NOX5: variants seen among roughly 807,000 people sequenced by gnomAD.
NOX5 encodes NADPH oxidase, EF-hand calcium binding domain 5.
NOX5 carries 76 observed loss-of-function variants against 85.7 expected under a neutral mutation model. The observed-to-expected ratio is 0.89, with a 90% CI of 0.74 to 1.07. The LOEUF (loss-of-function observed/expected upper bound fraction) is 1.07. Among genes scored for constraint, NOX5 ranks in the 50% least tolerant of loss-of-function variants. The probability of loss-of-function intolerance (pLI) is 0.00; values close to 1 mark genes in which losing one functional copy is unlikely to be tolerated. For synonymous variants in NOX5, 405 were observed against 401.4 expected (o/e 1.01, Z -0.11); for missense variants, 973 against 999.5 (o/e 0.97, Z 0.36).
intron 15 of NOX5, among the ~76,000 whole-genome samples, chr15:69,055,937 A>G (rs1288296282): frequency 6.6e-6 from 1 of 152,092 alleles, no homozygotes; most frequent in South Asian, 2.1e-4. Flanking sequence ...CTGAACACTT[A>G]CTTGTCAGGG....
Position 69,048,998 on chromosome 15 carries a change from G to A in NOX5, c.1939G>A (p.Glu647Lys), listed in dbSNP as rs758389674. 4.3e-6 allele frequency: 7 copies of A among 1,612,832 alleles called. No homozygotes were observed. Among genetic ancestry groups the A allele is most frequent in the Non-Finnish European group, 5.9e-6 (7 of 1,179,640 alleles). The change falls in exon 14 of 16, where the codon GAG becomes AAG. Residue 647 changes from glutamate (E) to lysine (K), a missense_variant. Physicochemically the swap from Glu to Lys is moderately conservative, Grantham distance 56. Coordinates refer to ENST00000388866, the MANE Select transcript of NOX5 (RefSeq NM_024505.4). Reference sequence around the variant, plus strand: ...GATCAACAGAGACCAGCGGTCTTTCGAGTGGTTTGTGAGCCTGCTGACTAA... The same window carrying A: ...GATCAACAGAGACCAGCGGTCTTTCAAGTGGTTTGTGAGCCTGCTGACTAA... Reference protein sequence around the residue: ...IWINRDQRSFEWFVSLLTKLE... With the variant: ...IWINRDQRSFKWFVSLLTKLE...
chr15:69,016,797 C>CAT (rs3084776), intron 1 of NOX5, among the ~76,000 whole-genome samples: 43 of 151,350 alleles, frequency 2.8e-4, no homozygotes, highest in Non-Finnish European at 4.3e-4. Context: ...ATGACATATG[C>CAT]ATATATATAT....
In NOX5 at chr15:69,014,698, A is replaced by G; in HGVS notation, c.-38A>G. 1 of 1,550,056 alleles carries G rather than the reference A, an allele frequency of 6.5e-7. No individual in the cohort carries two copies. The highest frequency in any genetic ancestry group is 1.2e-5 in the South Asian group (1 of 83,982). On this transcript the variant is annotated 5_prime_UTR_variant, in exon 1 of 16. Coordinates refer to ENST00000388866, the MANE Select transcript of NOX5 (RefSeq NM_024505.4). ...CAGTGCAGGCAGCTCAATGGACAGCAGTCTTTCTGGGACCTGTGATCTAGA... is the reference window on the plus strand; with the variant it reads ...CAGTGCAGGCAGCTCAATGGACAGCGGTCTTTCTGGGACCTGTGATCTAGA...
At chr15:69,030,362 G>A (rs1462734876) in intron 3 of NOX5, 1 of 152,222 alleles carries the variant, frequency 6.6e-6, no homozygotes. Context: ...CTTCAGCAAT[G>A]TTCATTTTGC....
chr15:69,015,058 T>G (rs944475101), intron 1 of NOX5, among the ~76,000 whole-genome samples: 4 of 152,198 alleles, frequency 2.6e-5, no homozygotes, highest in Admixed American at 6.5e-5. Flanking sequence ...CAGTTGTACT[T>G]TTCCAAACAG....
At position 69,047,845 on chromosome 15, in the gene NOX5, GCATACTTGCCC is replaced by G; in HGVS notation, c.1836_1846del (p.His612GlnfsTer18). 1 of 1,614,044 alleles carries G rather than the reference GCATACTTGCCC, an allele frequency of 6.2e-7. No individual in the cohort carries two copies. The highest frequency in any genetic ancestry group is 1.1e-5 in the South Asian group (1 of 91,070). ...CTCCCCTCAGGCACCAGAAAAGAAA[GCATACTTGCCC>G]CAGCTGCCAGCACTCCTGGATCGAA... On this transcript the variant is annotated frameshift_variant, in exon 13 of 16. Coordinates refer to ENST00000388866, the MANE Select transcript of NOX5 (RefSeq NM_024505.4). LOFTEE classifies it high-confidence loss of function.
Position 69,052,032 on chromosome 15 carries a change from G to A in NOX5, c.1999+2974G>A, listed in dbSNP as rs183433203. Among the ~76,000 whole-genome samples, 3 of 152,088 alleles carry A rather than the reference G, an allele frequency of 2.0e-5. No homozygotes were observed. The East Asian group carries it at 5.8e-4, about 29-fold the overall frequency. ...TTTGAGACCAGCCTGGGCAACACAG[G>A]CACATGCTGTCTCTACAAAAAATGT... On this transcript the variant is annotated intron_variant, in intron 14 of 15. Transcript: ENST00000388866.
chr15:69,053,578 C>T (rs973021101), intron 14 of NOX5, among the ~76,000 whole-genome samples: 4 of 152,166 alleles, frequency 2.6e-5, no homozygotes, highest in African/African-American at 9.7e-5. Context: ...ATTCCTCATT[C>T]TCCATAATCA....
At chr15:69,020,329 T>A (rs2140245748) in intron 1 of NOX5, among the ~76,000 whole-genome samples, 1 of 152,322 alleles carries the variant, frequency 6.6e-6, no homozygotes, top group South Asian at 2.1e-4. Context: ...TTTTCCTTAA[T>A]GTTTTTGGGA....
At position 69,055,465 on chromosome 15, in the gene NOX5, A is replaced by G. The variant is rs771147582; in HGVS notation, c.2131A>G (p.Thr711Ala). 6.2e-7 allele frequency: 1 copy of G among 1,614,134 alleles called. No homozygotes were observed. The highest frequency in any genetic ancestry group is 1.1e-5 in the South Asian group (1 of 91,086). Residue 711 changes from threonine to alanine, a missense_variant, in exon 15 of 16, where the codon ACG becomes GCG. Coordinates refer to ENST00000388866, the MANE Select transcript of NOX5 (RefSeq NM_024505.4). ...GAAAGACTCCATCACGGGGCTGCAG[A>G]CGCGCACCCAGCCTGGGCGGCCTGA... The part of the protein sequence containing the change: ...EKKDSITGLQ[T>A]RTQPGRPDWS...
rs1233379758 is a variant in NOX5, at chr15:69,062,648, CT to C, written c.*5953del. 1.3e-5 allele frequency: 2 copies of C among 152,246 alleles called. No homozygotes were observed. Among genetic ancestry groups the C allele is most frequent in the Non-Finnish European group, 2.9e-5 (2 of 68,078 alleles). The allele number at this position is 152,246 out of a possible 1,614,324, so 9.4% of individuals were successfully genotyped here. ...ATCGCCTGACACTTGGAGCACCCTT[CT>C]CCACTTTCAGATTGAGACTTCGGAA... On this transcript the variant is annotated 3_prime_UTR_variant, in exon 16 of 16. Transcript: ENST00000388866.
chr15:69,044,525 A>G (rs1220917105), intron 10 of NOX5, among the ~76,000 whole-genome samples: 1 of 152,238 alleles, frequency 6.6e-6, no homozygotes, highest in Non-Finnish European at 1.5e-5. Context: ...GAACAATAGG[A>G]AAATACCTAA....
In NOX5 at chr15:69,035,773, C is replaced by A; in HGVS notation, c.1025C>A (p.Ala342Glu). ...TTGTTTCCAGTACTCCAGGCTCAGG[C>A]GGAGGCCAGCCCTTTCCAGTTCTGG... ...HTVNFVLQAQ[A>E]EASPFQFWEL... The change falls in exon 7 of 16, where the codon GCG becomes GAG. Residue 342 changes from alanine (A) to glutamate (E), a missense_variant. Coordinates refer to ENST00000388866, the MANE Select transcript of NOX5 (RefSeq NM_024505.4). 2 of 1,614,046 alleles carry A rather than the reference C, an allele frequency of 1.2e-6. No homozygotes were observed. Among genetic ancestry groups the A allele is most frequent in the Non-Finnish European group, 1.7e-6 (2 of 1,179,984 alleles).
At chr15:69,049,192 C>CT (rs34467340) in intron 14 of NOX5, 134 bp downstream of exon 14, 9,326 of 292,332 alleles carry the variant, frequency 0.032, 79 homozygotes, top group African/African-American at 0.054. Flanking sequence ...AACCCAGAGT[C>CT]TTTTTTTTTT....
chr15:69,021,224 C>T (rs532417297), intron 1 of NOX5, among the ~76,000 whole-genome samples: 27 of 152,168 alleles, frequency 1.8e-4, no homozygotes, highest in African/African-American at 6.3e-4. Flanking sequence ...CTATCTCTTT[C>T]TATGATCTAA....
At chr15:69,023,038 G>T in intron 1 of NOX5, 1 of 462,908 alleles carries the variant, frequency 2.2e-6, no homozygotes, top group South Asian at 1.7e-5. Flanking sequence ...GCTTAAGAGG[G>T]CTTGGGGTAC....
At chr15:69,042,547 CAAA>C in intron 9 of NOX5, 113 bp from the exon 10 acceptor site, 1 of 1,156,714 alleles carries the variant, frequency 8.6e-7, no homozygotes, top group Non-Finnish European at 1.2e-6. Flanking sequence ...GAAGGACATT[CAAA>C]CCAGGACTTG....
intron 7 of NOX5, 83 bp downstream of exon 7, chr15:69,036,019 A>C: frequency 6.4e-7 from 1 of 1,569,202 alleles, no homozygotes; most frequent in Admixed American, 1.8e-5. Context: ...GATTTACTCC[A>C]GAGCCCAGGA....
chr15:69,026,703 T>G (rs2050362932), intron 2 of NOX5, 52 bp downstream of exon 2: 2 of 1,610,954 alleles, frequency 1.2e-6, no homozygotes, highest in Non-Finnish European at 1.7e-6. Flanking sequence ...TGTGGCCTGG[T>G]TCTCAGGGCA....
Sources: allele counts gnomAD v4.1 joint callset (sites outside exome capture counted in the v4.1 genomes callset), GRCh38; gene constraint gnomAD v4.1.1; transcripts MANE v1.5; gene names NCBI Gene and HGNC (gene_info 2026-07-23, HGNC 2026-07-21).